The following SRPK2 variants were observed in gnomAD, a reference collection of about 807,000 sequenced individuals.
SRPK2 encodes the protein SRSF protein kinase 2.
A neutral mutation model predicts 90.8 loss-of-function variants in SRPK2; 21 were observed. The ratio of observed to expected loss-of-function variants is 0.23; its 90% CI spans 0.16 to 0.33. The LOEUF (loss-of-function observed/expected upper bound fraction) is 0.33. SRPK2 is among the 10% of genes least tolerant of loss of function. The pLI, the probability that SRPK2 is intolerant of heterozygous loss-of-function variation, is 1.00. For missense variants in SRPK2, 620 were observed against 869.0 expected (o/e 0.71, Z 3.60); for synonymous variants, 288 against 311.1 (o/e 0.93, Z 0.78).
At chr7:105,277,181 A>C (rs1384307175) in intron 2 of SRPK2, among the ~76,000 whole-genome samples, 1 of 151,996 alleles carries the variant, frequency 6.6e-6, no homozygotes, top group Non-Finnish European at 1.5e-5. Context: ...GGTTCACACC[A>C]GTCTCCTGTC....
chr7:105,283,471 A>G (rs1807613909), intron 2 of SRPK2, among the ~76,000 whole-genome samples: 1 of 152,220 alleles, frequency 6.6e-6, no homozygotes, highest in Admixed American at 6.5e-5. Flanking sequence ...ATGCTACCGT[A>G]TGGCTGAACG....
At chr7:105,167,825 G>C (rs1790279336) in intron 5 of SRPK2, among the ~76,000 whole-genome samples, 183 bp downstream of exon 5, 1 of 152,018 alleles carries the variant, frequency 6.6e-6, no homozygotes, top group Admixed American at 6.6e-5. Flanking sequence ...TTGCCAGGCT[G>C]GTCTCGAACT....
intron 3 of SRPK2, among the ~76,000 whole-genome samples, chr7:105,178,160 C>A (rs1461076477): frequency 6.6e-6 from 1 of 152,008 alleles, no homozygotes; most frequent in Non-Finnish European, 1.5e-5. Flanking sequence ...CACTACTTTC[C>A]TCATCAGTAA....
intron 2 of SRPK2, among the ~76,000 whole-genome samples, chr7:105,335,656 A>G (rs1209590100): frequency 6.6e-6 from 1 of 150,590 alleles, no homozygotes; most frequent in African/African-American, 2.4e-5. Flanking sequence ...TCTTTTAAAA[A>G]AAAAAAAAAA....
intron 2 of SRPK2, chr7:105,298,861 T>G (rs1810183271): frequency 1.1e-6 from 1 of 918,812 alleles, no homozygotes; most frequent in Admixed American, 6.2e-5. Flanking sequence ...CAGCAGTCTT[T>G]CCAGGGAGAC....
intron 2 of SRPK2, among the ~76,000 whole-genome samples, chr7:105,225,361 C>G (rs1199470631): frequency 1.3e-5 from 2 of 152,228 alleles, no homozygotes; most frequent in Middle Eastern, 3.2e-3. Context: ...CTAGAGCAAG[C>G]TGCAGTGAGC....
In SRPK2 at chr7:105,268,748, GGTTT is replaced by G. The variant is rs371834664; in HGVS notation, c.72-64967_72-64964del. ...TTGACAAGAAAAAAAAATATGTCCT[GGTTT>G]GTTTCTTAGCAATGCTACACCATTA... On this transcript the variant is annotated intron_variant, in intron 2 of 15. Coordinates refer to ENST00000393651, the MANE Select transcript of SRPK2 (RefSeq NM_182692.3). 1.6e-4 allele frequency: 241 copies of G among 1,533,314 alleles called. 1 individual carries two copies. In the African/African-American group the frequency reaches 2.7e-3, roughly 17 times the overall value. 95.0% of individuals were successfully genotyped at this position (1,533,314 alleles called of 1,614,324 possible).
intron 2 of SRPK2, among the ~76,000 whole-genome samples, chr7:105,285,274 T>A (rs1267181368): frequency 6.6e-6 from 1 of 150,682 alleles, no homozygotes; most frequent in Non-Finnish European, 1.5e-5. Flanking sequence ...TAATCCCAGC[T>A]ACTCGGGAGG....
At chr7:105,371,610 G>C (rs1002691819) in intron 2 of SRPK2, among the ~76,000 whole-genome samples, 1 of 140,632 alleles carries the variant, frequency 7.1e-6, no homozygotes, top group Admixed American at 7.3e-5. Context: ...AAAAACACTA[G>C]TCAGGTATGG....
At chr7:105,266,842 C>A (rs974918773) in intron 2 of SRPK2, among the ~76,000 whole-genome samples, 8 of 152,018 alleles carry the variant, frequency 5.3e-5, no homozygotes, top group African/African-American at 1.7e-4. Flanking sequence ...ATTAAAAAGA[C>A]AAATGATTTG....
intron 2 of SRPK2, among the ~76,000 whole-genome samples, chr7:105,213,528 CCAA>C (rs10557613): frequency 0.41 from 62,307 of 151,710 alleles, 14,687 homozygotes; most frequent in Non-Finnish European, 0.53. Context: ...AAACAAGCCA[CCAA>C]CATTATAATC....
intron 2 of SRPK2, among the ~76,000 whole-genome samples, chr7:105,235,722 A>AT (rs997970908): frequency 9.2e-5 from 14 of 151,924 alleles, no homozygotes; most frequent in African/African-American, 3.4e-4. Flanking sequence ...AGGTGTTAAA[A>AT]TATCTTTAAA....
rs79254298 is a variant in SRPK2, at chr7:105,367,671, C to T, written c.71+20977G>A. ...GTATGGCATATACTACAGTTAATTC[C>T]ATGCAGTTATGATTTAACACTGCAC... On this transcript the variant is annotated intron_variant, in intron 2 of 15. Transcript: ENST00000393651. Among the ~76,000 whole-genome samples the T allele has an allele frequency of 8.4e-3, 1,277 of 152,184 alleles. 21 individuals are homozygous for T. Among genetic ancestry groups the T allele is most frequent in the African/African-American group, 0.029 (1,185 of 41,494 alleles).
chr7:105,301,664 T>C, intron 2 of SRPK2: 1 of 1,611,598 alleles, frequency 6.2e-7, no homozygotes, highest in Non-Finnish European at 8.5e-7. Flanking sequence ...TTAATAGAGA[T>C]TTCCTGGACA....
At chr7:105,169,088 A>G (rs1790476100) in intron 4 of SRPK2, 69 bp downstream of exon 4, 1 of 1,390,754 alleles carries the variant, frequency 7.2e-7, no homozygotes, top group South Asian at 1.2e-5. Context: ...ACCCTCAGCC[A>G]TACCTTCTTA....
chr7:105,319,951 C>T (rs1272881708), intron 2 of SRPK2, among the ~76,000 whole-genome samples: 4 of 151,494 alleles, frequency 2.6e-5, no homozygotes, highest in Non-Finnish European at 4.4e-5. Context: ...CTGCCCGACT[C>T]GCGAATTGTT....
At chr7:105,186,128 T>A (rs1269498999) in intron 3 of SRPK2, among the ~76,000 whole-genome samples, 2 of 152,210 alleles carry the variant, frequency 1.3e-5, no homozygotes, top group Admixed American at 1.3e-4. Context: ...ACTACACAAA[T>A]CTCTATTTCT....
chr7:105,226,616 G>A (rs1798742762), intron 2 of SRPK2, among the ~76,000 whole-genome samples: 1 of 152,040 alleles, frequency 6.6e-6, no homozygotes. Flanking sequence ...AGATATCCAA[G>A]CCACGCATAC....
chr7:105,240,125 A>G (rs1409886914), intron 2 of SRPK2, among the ~76,000 whole-genome samples: 2 of 152,176 alleles, frequency 1.3e-5, no homozygotes, highest in Non-Finnish European at 2.9e-5. Context: ...TCCAAGATCA[A>G]TGTGCCGACA....
Sources: gnomAD v4.1 joint callset for allele counts (sites outside exome capture counted in the v4.1 genomes callset) on GRCh38, gnomAD v4.1.1 for gene constraint, MANE v1.5 for transcripts, NCBI Gene and HGNC (gene_info 2026-07-23, HGNC 2026-07-21) for gene names.